PTPRK: variants seen among roughly 807,000 people sequenced by gnomAD.
PTPRK encodes the protein protein tyrosine phosphatase receptor type K.
A neutral mutation model predicts 178.0 loss-of-function variants in PTPRK; 75 were observed. The observed-to-expected ratio is 0.42, with a 90% CI of 0.35 to 0.51. The LOEUF (loss-of-function observed/expected upper bound fraction) is 0.51, where lower values mean the gene tolerates loss of function less well. PTPRK is among the 20% of genes least tolerant of loss of function. PTPRK has a pLI of 0.02. For missense variants in PTPRK, 1,441 were observed against 1,797.8 expected, an observed-to-expected ratio of 0.80 and a Z score of 3.59; for synonymous variants, 637 against 620.6, an observed-to-expected ratio of 1.03 and a Z score of -0.39.
chr6:128,326,105 T>A, intron 2 of PTPRK, among the ~76,000 whole-genome samples: 1 of 152,008 alleles, frequency 6.6e-6, no homozygotes, highest in South Asian at 2.1e-4. Context: ...CACTCATAAG[T>A]GGGAACTGAA....
At chr6:128,094,471 AT>A (rs1787570210) in intron 7 of PTPRK, among the ~76,000 whole-genome samples, 1 of 152,198 alleles carries the variant, frequency 6.6e-6, no homozygotes, top group African/African-American at 2.4e-5. Flanking sequence ...AATGGATACA[AT>A]ATAGCTAATG....
At chr6:128,312,791 A>G (rs1249311590) in intron 3 of PTPRK, among the ~76,000 whole-genome samples, 2 of 151,932 alleles carry the variant, frequency 1.3e-5, no homozygotes, top group African/African-American at 4.8e-5. Context: ...CTAAACACAG[A>G]CTAGTGCTAA....
At chr6:128,227,480 C>T (rs1428004861) in intron 5 of PTPRK, among the ~76,000 whole-genome samples, 2 of 152,176 alleles carry the variant, frequency 1.3e-5, no homozygotes, top group African/African-American at 4.8e-5. Context: ...AAAAGGCAAG[C>T]TGCCGTATTT....
chr6:127,974,359 T>C (rs951770876), intron 27 of PTPRK, among the ~76,000 whole-genome samples: 5 of 152,204 alleles, frequency 3.3e-5, no homozygotes, highest in African/African-American at 9.6e-5. Context: ...TCTTCAACCT[T>C]CTCTTTGTCT....
intron 13 of PTPRK, among the ~76,000 whole-genome samples, chr6:128,039,192 AAACT>A (rs1776746036): frequency 6.6e-6 from 1 of 152,302 alleles, no homozygotes; most frequent in South Asian, 2.1e-4. Context: ...AAATCTGAAT[AAACT>A]AAATGGTCAT....
intron 12 of PTPRK, among the ~76,000 whole-genome samples, chr6:128,066,028 G>C (rs1439648465): frequency 6.6e-6 from 1 of 152,158 alleles, no homozygotes; most frequent in East Asian, 1.9e-4. Flanking sequence ...AAAGAATGCA[G>C]AGAAAATCCT....
chr6:128,457,751 T>C (rs1374079161), intron 1 of PTPRK, among the ~76,000 whole-genome samples: 2 of 152,106 alleles, frequency 1.3e-5, no homozygotes, highest in Non-Finnish European at 2.9e-5. Flanking sequence ...TTTACTTAGA[T>C]AAAAATAGGT....
intron 2 of PTPRK, among the ~76,000 whole-genome samples, chr6:128,358,368 T>A: frequency 6.6e-6 from 1 of 152,208 alleles, no homozygotes; most frequent in East Asian, 1.9e-4. Flanking sequence ...CCATGGGTCA[T>A]GGGGTTTGTG....
intron 17 of PTPRK, among the ~76,000 whole-genome samples, chr6:127,996,453 T>C (rs1251499217): frequency 6.6e-6 from 1 of 152,074 alleles, no homozygotes; most frequent in Non-Finnish European, 1.5e-5. Flanking sequence ...TCACTGCTAA[T>C]AGCCAATGTT....
chr6:128,243,488 TAAAAAAAAA>T (rs760606919), intron 3 of PTPRK, among the ~76,000 whole-genome samples: 2 of 59,138 alleles, frequency 3.4e-5, no homozygotes, highest in Admixed American at 4.5e-4. Flanking sequence ...AGCCTGTCGC[TAAAAAAAAA>T]AAAAAAAAAA....
intron 2 of PTPRK, among the ~76,000 whole-genome samples, chr6:128,390,624 G>A (rs539393565): frequency 3.2e-4 from 49 of 152,202 alleles, no homozygotes; most frequent in Admixed American, 1.6e-3. Context: ...GATGAAGCAC[G>A]GTGGTACTGG....
intron 7 of PTPRK, among the ~76,000 whole-genome samples, chr6:128,107,878 T>C: frequency 6.6e-6 from 1 of 152,150 alleles, no homozygotes; most frequent in East Asian, 1.9e-4. Flanking sequence ...GTCCCCTACA[T>C]GGGCACATGC....
rs1208509791 is a variant in PTPRK at position 128,270,542 on chromosome 6, G to C, written c.496-27940C>G. Reference sequence around the variant, plus strand: ...TTAGTACACATTGAATATAAAAGGAGAGTCAATGTATTACAAAGTAAGCAT... The same window carrying C: ...TTAGTACACATTGAATATAAAAGGACAGTCAATGTATTACAAAGTAAGCAT... On this transcript the variant is annotated intron_variant, in intron 3 of 29. Transcript: ENST00000368226. 1.3e-5 allele frequency among the ~76,000 whole-genome samples: 2 copies of C among 152,084 alleles called. 1 individual carries two copies. Among genetic ancestry groups the C allele is most frequent in the Admixed American group, 1.3e-4 (2 of 15,260 alleles).
intron 5 of PTPRK, among the ~76,000 whole-genome samples, chr6:128,231,308 A>C (rs1812260073): frequency 6.6e-6 from 1 of 152,222 alleles, no homozygotes; most frequent in Non-Finnish European, 1.5e-5. Flanking sequence ...TACGAAAGAG[A>C]ACACGGTCTC....
chr6:128,183,712 T>C (rs1802302157), intron 7 of PTPRK, among the ~76,000 whole-genome samples: 1 of 152,222 alleles, frequency 6.6e-6, no homozygotes, highest in African/African-American at 2.4e-5. Flanking sequence ...TTAAACTTTT[T>C]ATTGGCTTTT....
At chr6:128,015,851 T>A (rs1289500925) in intron 13 of PTPRK, among the ~76,000 whole-genome samples, 2 of 151,802 alleles carry the variant, frequency 1.3e-5, no homozygotes, top group Non-Finnish European at 2.9e-5. Flanking sequence ...CTATTACCAA[T>A]TTACATACCC....
At chr6:128,030,713 G>C (rs989331536) in intron 13 of PTPRK, among the ~76,000 whole-genome samples, 26 of 152,140 alleles carry the variant, frequency 1.7e-4, no homozygotes, top group Non-Finnish European at 3.4e-4. Flanking sequence ...TTTAAAAACA[G>C]TTGATTCTCT....
intron 2 of PTPRK, among the ~76,000 whole-genome samples, chr6:128,376,653 T>C (rs1455622756): frequency 6.6e-6 from 1 of 152,210 alleles, no homozygotes; most frequent in East Asian, 1.9e-4. Context: ...AATGAGATTT[T>C]CTTTTCTATC....
intron 1 of PTPRK, among the ~76,000 whole-genome samples, chr6:128,487,829 C>T (rs571237482): frequency 1.3e-5 from 2 of 152,220 alleles, no homozygotes; most frequent in Admixed American, 6.5e-5. Context: ...GTAATAGGAG[C>T]GGTCAGATGA....
Sources: gnomAD v4.1 joint callset for allele counts (sites outside exome capture counted in the v4.1 genomes callset) on GRCh38, gnomAD v4.1.1 for gene constraint, MANE v1.5 for transcripts, NCBI Gene and HGNC (gene_info 2026-07-23, HGNC 2026-07-21) for gene names.